Variants in PARVB observed in about 807,000 individuals in gnomAD.
PARVB encodes parvin beta.
Under a neutral mutation model 47.0 loss-of-function variants are expected in PARVB, and 46 were observed. The observed-to-expected ratio is 0.98, with a 90% CI of 0.77 to 1.25. PARVB has a LOEUF of 1.25. Among genes scored for constraint, PARVB ranks in the 50% most tolerant of loss-of-function variants. The pLI is 0.00. For synonymous variants in PARVB, 196 were observed against 196.3 expected, an observed-to-expected ratio of 1.00 and a Z score of 0.01; for missense variants, 473 against 471.6, an observed-to-expected ratio of 1.00 and a Z score of -0.03.
chr22:44,035,871 A>G (rs2050913994), intron 1 of PARVB, among the ~76,000 whole-genome samples: 1 of 152,260 alleles, frequency 6.6e-6, no homozygotes, highest in East Asian at 1.9e-4. Flanking sequence ...TTAACATCAA[A>G]TAATGTTCTA....
chr22:44,003,959 G>A (rs1053675949), intron 2 of PARVB, among the ~76,000 whole-genome samples: 26 of 152,178 alleles, frequency 1.7e-4, no homozygotes, highest in African/African-American at 6.3e-4. Flanking sequence ...TGCAGGGCTG[G>A]CCACTCCCCT....
rs192820244 is a variant in PARVB, at chr22:44,046,616, G to C, written c.112+22165G>C. 2.3e-3 allele frequency among the ~76,000 whole-genome samples: 351 copies of C among 152,342 alleles called. 1 individual carries two copies. The highest frequency in any genetic ancestry group is 3.3e-3 in the Non-Finnish European group (223 of 68,036). The stretch of plus-strand genomic sequence containing the variant: ...GCTGACAATCATTGAGCCTCGGCAG[G>C]CTGGCCCCGATGACATGTTATCTCC... On this transcript the variant is annotated intron_variant, in intron 1 of 12. Coordinates refer to ENST00000338758, the MANE Select transcript of PARVB (RefSeq NM_013327.5).
At chr22:44,096,084 G>C (rs1414256178) in intron 2 of PARVB, among the ~76,000 whole-genome samples, 7 of 152,200 alleles carry the variant, frequency 4.6e-5, no homozygotes, top group African/African-American at 1.7e-4. Flanking sequence ...AATTGGCTGA[G>C]TGTGGTGGCA....
intron 1 of PARVB, among the ~76,000 whole-genome samples, chr22:44,063,483 TC>T (rs746960271): frequency 2.0e-5 from 3 of 152,178 alleles, no homozygotes; most frequent in South Asian, 4.2e-4. Context: ...TGTCTTGGCC[TC>T]CCAAAGTACT....
At chr22:44,010,319 G>A (rs935457546) in intron 2 of PARVB, among the ~76,000 whole-genome samples, 1 of 152,126 alleles carries the variant, frequency 6.6e-6, no homozygotes, top group African/African-American at 2.4e-5. Flanking sequence ...ATGGCACCAC[G>A]TCCCACTAAG....
intron 6 of PARVB, among the ~76,000 whole-genome samples, chr22:44,133,328 A>T (rs530755216): frequency 6.6e-6 from 1 of 152,132 alleles, no homozygotes; most frequent in Non-Finnish European, 1.5e-5. Flanking sequence ...CTTATTACTC[A>T]TTGGAGGAGG....
intron 1 of PARVB, among the ~76,000 whole-genome samples, chr22:44,065,362 G>A (rs1373947771): frequency 1.3e-5 from 2 of 152,060 alleles, no homozygotes; most frequent in Non-Finnish European, 2.9e-5. Context: ...TCTCTATGTT[G>A]CCCAAGCTGG....
chr22:44,120,603 T>A (rs1286223357), intron 4 of PARVB, among the ~76,000 whole-genome samples: 1 of 152,176 alleles, frequency 6.6e-6, no homozygotes, highest in African/African-American at 2.4e-5. Context: ...GTTTGATCAC[T>A]GGGTTAAGGC....
chr22:44,039,060 G>A (rs1264162936), intron 1 of PARVB, among the ~76,000 whole-genome samples: 1 of 152,122 alleles, frequency 6.6e-6, no homozygotes, highest in African/African-American at 2.4e-5. Context: ...AGAAGAACAG[G>A]GAATGCCCCG....
chr22:44,024,159 G>A (rs2050688342), upstream of PARVB: 1 of 189,822 alleles, frequency 5.3e-6, no homozygotes, highest in Non-Finnish European at 9.8e-6. Context: ...GCGGGACGGG[G>A]ACGGCTCTGG....
In PARVB at chr22:44,132,848, T is replaced by C. The variant is rs568146528; in HGVS notation, c.518-46T>C. ...CCTTCTGCACGTGGGCTCAGGTTCC[T>C]GTGTAACCTGATCTAAAGCGTCTCC... On this transcript the variant is annotated intron_variant, in intron 5 of 12. Transcript: ENST00000338758. The C allele has an allele frequency of 7.6e-6, 10 of 1,324,032 alleles. No homozygotes were observed. The East Asian group carries it at 2.1e-4, about 28-fold the overall frequency. The allele number at this position is 1,324,032 out of a possible 1,614,324, so 82.0% of individuals were successfully genotyped here. A position where few individuals can be genotyped will look rare whatever the true frequency, so the allele number is the denominator to read the frequency against.
rs112308773 is a variant in PARVB, at chr22:44,125,813, A to G, written c.377-5674A>G. Among the ~76,000 whole-genome samples the G allele has an allele frequency of 6.6e-6, 1 of 152,120 alleles. No homozygotes were observed. The highest frequency in any genetic ancestry group is 1.5e-5 in the Non-Finnish European group (1 of 67,994). On this transcript the variant is annotated intron_variant, in intron 4 of 12. Transcript: ENST00000338758. The surrounding 1 kb of genome is among the most constrained non-coding windows in gnomAD (Gnocchi z 4.1). ...ACTTAGGCTTCTGGGTGCAGGATGG[A>G]TGGGGAGGAGAGTCAGGAGTTGGAA...
At chr22:44,007,373 C>A (rs973336442) in intron 2 of PARVB, among the ~76,000 whole-genome samples, 1 of 152,218 alleles carries the variant, frequency 6.6e-6, no homozygotes, top group Non-Finnish European at 1.5e-5. Context: ...TGCACTCCCA[C>A]GCTGGAGGCC....
chr22:44,039,747 A>G lies in PARVB; in HGVS notation c.112+15296A>G. ...AGGTGCCGGTACAGGAAATCACCCG[A>G]GACTCTCAAAACCACTATGCTGAGC... On this transcript the variant is annotated intron_variant, in intron 1 of 12. Coordinates refer to ENST00000338758, the MANE Select transcript of PARVB (RefSeq NM_013327.5). 7.4e-6 allele frequency: 3 copies of G among 403,256 alleles called. No homozygotes were observed. In the Admixed American group the frequency reaches 7.8e-5, roughly 11 times the overall value. The allele number at this position is 403,256 out of a possible 1,614,324, so 25.0% of individuals were successfully genotyped here.
chr22:44,163,001 C>G (rs2054085656), intron 11 of PARVB: 1 of 152,326 alleles, frequency 6.6e-6, no homozygotes, highest in Non-Finnish European at 1.5e-5. Flanking sequence ...TCCGTTCTGA[C>G]TGGTCCACTG....
At chr22:44,037,566 A>G (rs2050943504) in intron 1 of PARVB, among the ~76,000 whole-genome samples, 1 of 152,216 alleles carries the variant, frequency 6.6e-6, no homozygotes, top group Non-Finnish European at 1.5e-5. Context: ...CAAGCTGGGA[A>G]GTCGGTGTTA....
At position 44,119,274 on chromosome 22, in the gene PARVB, C is replaced by T; in HGVS notation, c.376+134C>T. ...CACTCAAAGCTGCAGTGTGCATCTCCCAGGTGGTGCCCAGGCCCTGGGCTG... is the reference window on the plus strand; with the variant it reads ...CACTCAAAGCTGCAGTGTGCATCTCTCAGGTGGTGCCCAGGCCCTGGGCTG... On this transcript the variant is annotated intron_variant, in intron 4 of 12. Coordinates refer to ENST00000338758, the MANE Select transcript of PARVB (RefSeq NM_013327.5). 4.4e-6 allele frequency: 3 copies of T among 685,544 alleles called. No individual in the cohort carries two copies. The South Asian group carries it at 4.9e-5, about 11-fold the overall frequency. The allele number at this position is 685,544 out of a possible 1,614,324, so 42.5% of individuals were successfully genotyped here.
chr22:44,168,545 C>T, intron 12 of PARVB, 57 bp from the exon 13 acceptor site: 1 of 1,155,844 alleles, frequency 8.7e-7, no homozygotes, highest in Non-Finnish European at 1.3e-6. Flanking sequence ...CTGAGAGTAC[C>T]TACCGCAATG....
intron 1 of PARVB, among the ~76,000 whole-genome samples, chr22:44,055,050 G>A (rs1275811654): frequency 3.6e-5 from 5 of 138,666 alleles, no homozygotes; most frequent in African/African-American, 1.3e-4. Flanking sequence ...TATGTTAAAT[G>A]TACCTTACTA....
Sources: allele counts gnomAD v4.1 joint callset (sites outside exome capture counted in the v4.1 genomes callset), GRCh38; gene constraint gnomAD v4.1.1; non-coding constraint Gnocchi (gnomAD v3.1); transcripts MANE v1.5; gene names NCBI Gene and HGNC (gene_info 2026-07-23, HGNC 2026-07-21).